The following ERBB4 variants were observed in gnomAD, a reference collection of about 807,000 sequenced individuals.
ERBB4 encodes receptor tyrosine-protein kinase erbB-4.
ERBB4 carries 42 observed loss-of-function variants against 158.0 expected under a neutral mutation model. That is an observed-to-expected ratio of 0.27 (90% CI 0.21 to 0.34). ERBB4 has a LOEUF of 0.34. ERBB4 is among the 10% of genes least tolerant of loss of function. The pLI is 1.00. For missense variants in ERBB4, 1,333 were observed against 1,624.1 expected (o/e 0.82, Z 3.08); for synonymous variants, 583 against 558.7 (o/e 1.04, Z -0.61).
rs146329247 is a variant in ERBB4 at position 212,439,597 on chromosome 2, T to A, written c.82+98852A>T. Among the ~76,000 whole-genome samples, 55 of 152,300 alleles carry A rather than the reference T, an allele frequency of 3.6e-4. No individual in the cohort carries two copies. In the East Asian group the frequency reaches 0.011, roughly 29 times the overall value. On this transcript the variant is annotated intron_variant, in intron 1 of 27. Transcript: ENST00000342788. ...CACTGTTCTCTATTGTTGAAATGCATTATTTCTGTAGGTATGAAACTTACA... is the reference window on the plus strand; with the variant it reads ...CACTGTTCTCTATTGTTGAAATGCAATATTTCTGTAGGTATGAAACTTACA...
intron 1 of ERBB4, among the ~76,000 whole-genome samples, chr2:212,325,029 T>C (rs1410105150): frequency 6.7e-6 from 1 of 150,184 alleles, no homozygotes; most frequent in Non-Finnish European, 1.5e-5. Context: ...AAAAAAAAAC[T>C]CTAGGCCTCT....
At chr2:212,522,209 G>T (rs370076836) in intron 1 of ERBB4, among the ~76,000 whole-genome samples, 1 of 151,926 alleles carries the variant, frequency 6.6e-6, no homozygotes, top group African/African-American at 2.4e-5. Context: ...TAATTTCTCC[G>T]AGCTTCTGTT....
At chr2:211,385,196 G>A (rs923752906) in intron 27 of ERBB4, among the ~76,000 whole-genome samples, 1 of 152,010 alleles carries the variant, frequency 6.6e-6, no homozygotes, top group Admixed American at 6.5e-5. Flanking sequence ...TACAGAATAG[G>A]TAAGTATTTA....
chr2:212,382,970 AT>A (rs928164358), intron 1 of ERBB4, among the ~76,000 whole-genome samples: 30 of 149,006 alleles, frequency 2.0e-4, no homozygotes, highest in African/African-American at 6.9e-4. Context: ...AACAAGTGGC[AT>A]TTTTTTTTCT....
chr2:211,591,019 A>G (rs2125791822), intron 19 of ERBB4, among the ~76,000 whole-genome samples: 1 of 152,172 alleles, frequency 6.6e-6, no homozygotes, highest in East Asian at 1.9e-4. Flanking sequence ...AACTGACTAC[A>G]CTTTCCCTGT....
intron 1 of ERBB4, among the ~76,000 whole-genome samples, chr2:212,385,402 A>ATT (rs944141215): frequency 3.3e-5 from 5 of 151,820 alleles, no homozygotes; most frequent in Non-Finnish European, 7.4e-5. Context: ...GACAAACCAC[A>ATT]TTTTCCTTTC....
intron 3 of ERBB4, among the ~76,000 whole-genome samples, chr2:211,818,139 C>G (rs1466612958): frequency 6.6e-6 from 1 of 152,082 alleles, no homozygotes; most frequent in Non-Finnish European, 1.5e-5. Flanking sequence ...ACATGTCCAG[C>G]CACCTTTGCA....
intron 2 of ERBB4, among the ~76,000 whole-genome samples, chr2:212,017,613 A>G (rs951176716): frequency 1.3e-5 from 2 of 152,130 alleles, no homozygotes; most frequent in Non-Finnish European, 2.9e-5. Flanking sequence ...TTCCACATCT[A>G]ATTTTCCTTG....
chr2:211,548,859 C>A (rs944105123), intron 20 of ERBB4, among the ~76,000 whole-genome samples: 1 of 152,102 alleles, frequency 6.6e-6, no homozygotes, highest in Admixed American at 6.5e-5. Context: ...TAAGATTTCA[C>A]ATGAAACAAA....
intron 3 of ERBB4, among the ~76,000 whole-genome samples, chr2:211,886,649 G>T (rs1445583205): frequency 6.6e-6 from 1 of 152,188 alleles, no homozygotes; most frequent in East Asian, 1.9e-4. Flanking sequence ...GCATCTTGGG[G>T]ACGGCTATGC....
At chr2:211,567,203 A>G (rs1233073971) in intron 19 of ERBB4, among the ~76,000 whole-genome samples, 1 of 152,190 alleles carries the variant, frequency 6.6e-6, no homozygotes, top group Non-Finnish European at 1.5e-5. Flanking sequence ...AGGATCAGTA[A>G]ACACTCAGGA....
chr2:211,922,012 A>T (rs1442668313), intron 3 of ERBB4, among the ~76,000 whole-genome samples: 3 of 152,074 alleles, frequency 2.0e-5, no homozygotes, highest in African/African-American at 7.2e-5. Context: ...AAGCTAACAA[A>T]CCATTTTAAG....
intron 3 of ERBB4, among the ~76,000 whole-genome samples, chr2:211,855,810 T>C (rs909527408): frequency 2.0e-5 from 3 of 152,032 alleles, no homozygotes; most frequent in Non-Finnish European, 4.4e-5. Flanking sequence ...TTTATTTTCC[T>C]AGCCAGGGAA....
intron 3 of ERBB4, among the ~76,000 whole-genome samples, chr2:211,876,582 G>A (rs2078509081): frequency 6.6e-6 from 1 of 152,040 alleles, no homozygotes; most frequent in African/African-American, 2.4e-5. Flanking sequence ...TTATAAAAGG[G>A]TATATGTAAT....
At chr2:212,075,192 T>A (rs1171431513) in intron 2 of ERBB4, among the ~76,000 whole-genome samples, 2 of 151,930 alleles carry the variant, frequency 1.3e-5, no homozygotes, top group Non-Finnish European at 2.9e-5. Context: ...GGGATTTTTT[T>A]TAAAAGAAAT....
At chr2:211,410,139 A>G (rs573910373) in intron 25 of ERBB4, among the ~76,000 whole-genome samples, 1 of 152,370 alleles carries the variant, frequency 6.6e-6, no homozygotes, top group African/African-American at 2.4e-5. Context: ...AGGATGTTAA[A>G]TTATGTTGTC....
At chr2:211,532,684 G>A (rs11898476) in intron 20 of ERBB4, among the ~76,000 whole-genome samples, 14,164 of 151,734 alleles carry the variant, frequency 0.093, 781 homozygotes, top group African/African-American at 0.14. Context: ...TGAACAAGAC[G>A]TCCGGAAATG....
chr2:212,205,478 G>A (rs535128456), intron 1 of ERBB4, among the ~76,000 whole-genome samples: 4 of 152,114 alleles, frequency 2.6e-5, no homozygotes, highest in East Asian at 1.9e-4. Flanking sequence ...AAAAACAAAC[G>A]GTCATTTTAT....
At chr2:211,668,300 C>G (rs1353252137) in intron 14 of ERBB4, among the ~76,000 whole-genome samples, 2 of 152,142 alleles carry the variant, frequency 1.3e-5, no homozygotes, top group East Asian at 3.8e-4. Context: ...CCCAGGCTGA[C>G]ATAACTAAAA....
Sources: gnomAD v4.1 joint callset for allele counts (sites outside exome capture counted in the v4.1 genomes callset) on GRCh38, gnomAD v4.1.1 for gene constraint, MANE v1.5 for transcripts, NCBI Gene and HGNC (gene_info 2026-07-23, HGNC 2026-07-21) for gene names.